The following XPR1 variants were observed in gnomAD, a reference collection of about 807,000 sequenced individuals.
XPR1 encodes xenotropic and polytropic retrovirus receptor 1, also known as solute carrier family 53 member 1.
In XPR1, 28 loss-of-function variants were observed where a neutral mutation model predicts 87.5. That is an observed-to-expected ratio of 0.32 (90% confidence interval 0.24 to 0.44). XPR1 has a LOEUF of 0.44. XPR1 is among the 20% of genes least tolerant of loss of function. The pLI, the probability that XPR1 is intolerant of heterozygous loss-of-function variation, is 1.00. For missense variants in XPR1, 559 were observed against 862.3 expected (o/e 0.65, Z 4.41); for synonymous variants, 300 against 306.1 (o/e 0.98, Z 0.21).
chr1:180,803,593 C>A lies in XPR1; in HGVS notation c.429C>A (p.Ile143=). Residue 143 remains isoleucine, a synonymous_variant, in exon 4 of 15, where the codon ATC becomes ATA. Transcript: ENST00000367590. ...TCAGTGAGTTCTACCTCAGTCTAAT[C>A]CTGCTGCAGAACTATCAGGTACTTA... ...LAFSEFYLSL[I]LLQNYQNLNF... is the part of the protein sequence containing the mutation. 6.2e-7 allele frequency: 1 copy of A among 1,612,438 alleles called. No individual in the cohort carries two copies. Among genetic ancestry groups the A allele is most frequent in the South Asian group, 1.1e-5 (1 of 91,002 alleles).
intron 14 of XPR1, among the ~76,000 whole-genome samples, chr1:180,882,010 A>G (rs1652864301): frequency 1.3e-5 from 2 of 152,220 alleles, no homozygotes. Flanking sequence ...TCAGTGAGAT[A>G]AGTGCCACAA....
chr1:180,638,668 A>G, intron 1 of XPR1, among the ~76,000 whole-genome samples: 1 of 152,084 alleles, frequency 6.6e-6, no homozygotes, highest in Non-Finnish European at 1.5e-5. Flanking sequence ...ACCAAAACAC[A>G]CACACCCCAA....
At position 180,682,269 on chromosome 1, in the gene XPR1, T is replaced by C; in HGVS notation, c.70-91T>C. On this transcript the variant is annotated intron_variant, in intron 1 of 14. Coordinates refer to ENST00000367590, the MANE Select transcript of XPR1 (RefSeq NM_004736.4). ...AATTTAGGGAGCTATGAGTGGTCATTGAATATTGAAAAAGAACTGTTTAGC... is the reference window on the plus strand; with the variant it reads ...AATTTAGGGAGCTATGAGTGGTCATCGAATATTGAAAAAGAACTGTTTAGC... 9 of 987,796 alleles carry C rather than the reference T, an allele frequency of 9.1e-6. No homozygotes were observed. The East Asian group carries it at 2.5e-4, about 27-fold the overall frequency. 61.2% of individuals were successfully genotyped at this position (987,796 alleles called of 1,614,324 possible).
intron 2 of XPR1, among the ~76,000 whole-genome samples, chr1:180,770,888 T>C (rs12725006): frequency 0.31 from 47,655 of 151,998 alleles, 8,215 homozygotes; most frequent in Non-Finnish European, 0.38. Context: ...CGCTTATTAT[T>C]ATTTTTCCTG....
chr1:180,848,849 T>C (rs1157996976), intron 11 of XPR1, among the ~76,000 whole-genome samples: 1 of 152,128 alleles, frequency 6.6e-6, no homozygotes, highest in East Asian at 1.9e-4. Flanking sequence ...AAGAATAATA[T>C]ACCATGACTA....
At chr1:180,636,121 C>T (rs1195876758) in intron 1 of XPR1, among the ~76,000 whole-genome samples, 1 of 152,126 alleles carries the variant, frequency 6.6e-6, no homozygotes, top group East Asian at 1.9e-4. Context: ...CCATTATATT[C>T]AGGTATAAGG....
intron 11 of XPR1, among the ~76,000 whole-genome samples, chr1:180,839,149 A>T (rs1651413306): frequency 6.6e-6 from 1 of 152,150 alleles, no homozygotes; most frequent in African/African-American, 2.4e-5. Context: ...TTTATGGGTT[A>T]TTTACCCAAT....
chr1:180,806,018 A>G, intron 4 of XPR1, 44 bp from the exon 5 acceptor site: 1 of 1,587,732 alleles, frequency 6.3e-7, no homozygotes, highest in Non-Finnish European at 8.6e-7. Context: ...ATCATTTTTG[A>G]TGGTAGTAGA....
chr1:180,640,690 T>C (rs1654935395), intron 1 of XPR1, among the ~76,000 whole-genome samples: 1 of 152,220 alleles, frequency 6.6e-6, no homozygotes, highest in African/African-American at 2.4e-5. Flanking sequence ...TGTTAAATTA[T>C]ATTTCCCTCA....
chr1:180,710,508 C>T (rs369643588), intron 2 of XPR1, among the ~76,000 whole-genome samples: 5 of 151,708 alleles, frequency 3.3e-5, no homozygotes, highest in South Asian at 2.1e-4. Flanking sequence ...CAGAGAGCAC[C>T]GGGTTGGGGG....
At chr1:180,846,179 T>A (rs1227166939) in intron 11 of XPR1, among the ~76,000 whole-genome samples, 1 of 151,572 alleles carries the variant, frequency 6.6e-6, no homozygotes, top group Non-Finnish European at 1.5e-5. Flanking sequence ...GGAGAATCGC[T>A]TGAACCCAGG....
At chr1:180,876,496 A>T (rs1652667687) in intron 13 of XPR1, among the ~76,000 whole-genome samples, 1 of 151,994 alleles carries the variant, frequency 6.6e-6, no homozygotes, top group Admixed American at 6.5e-5. Context: ...ATTAGCCGGG[A>T]GTAGTGGCGC....
intron 2 of XPR1, among the ~76,000 whole-genome samples, chr1:180,760,475 C>A (rs1647974407): frequency 6.6e-6 from 1 of 152,114 alleles, no homozygotes; most frequent in Admixed American, 6.5e-5. Flanking sequence ...CAATAACAGA[C>A]AAACAGAGAG....
At chr1:180,760,104 G>A (rs948713425) in intron 2 of XPR1, among the ~76,000 whole-genome samples, 7 of 152,056 alleles carry the variant, frequency 4.6e-5, no homozygotes, top group African/African-American at 1.7e-4. Context: ...GGTATTGATG[G>A]GACGTATCTC....
Position 180,691,895 on chromosome 1 carries a change from A to C in XPR1, c.121+9484A>C, listed in dbSNP as rs576309016. On this transcript the variant is annotated intron_variant, in intron 2 of 14. Transcript: ENST00000367590. Reference sequence around the variant, plus strand: ...TTTAATTCTGGAGAATGGAAGACTGAATTGCATTTCTAAAATTCATGAAGT... The same window carrying C: ...TTTAATTCTGGAGAATGGAAGACTGCATTGCATTTCTAAAATTCATGAAGT... 5.3e-5 allele frequency among the ~76,000 whole-genome samples: 8 copies of C among 152,246 alleles called. No homozygotes were observed. The East Asian group carries it at 1.5e-3, about 29-fold the overall frequency.
chr1:180,830,702 T>C (rs958201263), intron 9 of XPR1, among the ~76,000 whole-genome samples: 1 of 152,102 alleles, frequency 6.6e-6, no homozygotes, highest in Non-Finnish European at 1.5e-5. Context: ...TAGAAAGGGG[T>C]CCTTTAGGAT....
chr1:180,827,380 G>A (rs895983191), intron 9 of XPR1, among the ~76,000 whole-genome samples: 5 of 152,128 alleles, frequency 3.3e-5, no homozygotes, highest in African/African-American at 1.2e-4. Flanking sequence ...TAATATAGTT[G>A]TGTACATTGT....
At chr1:180,799,750 C>T (rs907405424) in intron 3 of XPR1, among the ~76,000 whole-genome samples, 2 of 152,122 alleles carry the variant, frequency 1.3e-5, no homozygotes, top group Non-Finnish European at 1.5e-5. Context: ...GGGTTCAGTG[C>T]TAGTCTCTGC....
At chr1:180,705,220 G>T (rs1305801172) in intron 2 of XPR1, among the ~76,000 whole-genome samples, 2 of 152,104 alleles carry the variant, frequency 1.3e-5, no homozygotes, top group African/African-American at 2.4e-5. Context: ...CTTATTGAAG[G>T]TTGAAAGGTG....
Sources: allele counts gnomAD v4.1 joint callset (sites outside exome capture counted in the v4.1 genomes callset), GRCh38; gene constraint gnomAD v4.1.1; transcripts MANE v1.5; gene names NCBI Gene and HGNC (gene_info 2026-07-23, HGNC 2026-07-21).